The following VSTM5 variants were observed in gnomAD, a reference collection of about 807,000 sequenced individuals.
The protein encoded by VSTM5 is V-set and transmembrane domain containing 5.
A neutral mutation model predicts 20.3 loss-of-function variants in VSTM5; 21 were observed. That is an observed-to-expected ratio of 1.03 (90% CI 0.73 to 1.49). The LOEUF is 1.49. VSTM5 is among the 40% of genes most tolerant of loss of function. The pLI is 0.00. For missense variants in VSTM5, 219 were observed against 250.0 expected, an observed-to-expected ratio of 0.88 and a Z score of 0.84; for synonymous variants, 100 against 102.5, an observed-to-expected ratio of 0.98 and a Z score of 0.14.
At chr11:93,837,634 T>C (rs890876621) in intron 1 of VSTM5, among the ~76,000 whole-genome samples, 6 of 152,118 alleles carry the variant, frequency 3.9e-5, no homozygotes, top group Admixed American at 1.3e-4. Flanking sequence ...AGGATGTCCA[T>C]AGATACCTCA....
chr11:93,842,062 G>C (rs2135738740), intron 1 of VSTM5, among the ~76,000 whole-genome samples: 1 of 152,318 alleles, frequency 6.6e-6, no homozygotes, highest in South Asian at 2.1e-4. Flanking sequence ...GCCTCCTGCA[G>C]CAGAATAAAA....
chr11:93,824,083 T>C (rs1199630987), intron 1 of VSTM5, among the ~76,000 whole-genome samples: 2 of 152,082 alleles, frequency 1.3e-5, no homozygotes, highest in African/African-American at 4.8e-5. Context: ...AATTTTGGTC[T>C]TTTTAGTAGA....
intron 1 of VSTM5, among the ~76,000 whole-genome samples, chr11:93,847,202 A>G (rs1944421094): frequency 6.6e-6 from 1 of 152,154 alleles, no homozygotes; most frequent in Admixed American, 6.5e-5. Flanking sequence ...TCTCTGTTTG[A>G]TCAGGGATCA....
At position 93,850,157 on chromosome 11, in the gene VSTM5, G is replaced by A. The variant is rs57779484; in HGVS notation, c.91+255C>T. Among the ~76,000 whole-genome samples, 1,321 of 152,214 alleles carry A rather than the reference G, an allele frequency of 8.7e-3. 20 individuals carry two copies. Among genetic ancestry groups the A allele is most frequent in the African/African-American group, 0.03 (1,250 of 41,560 alleles). The stretch of plus-strand genomic sequence containing the variant: ...GCTCGCCGGGTGGGGCGGGCGCCCC[G>A]AAGTGGGCCGGGGCGCCGCGGCCGG... On this transcript the variant is annotated intron_variant, in intron 1 of 3. Coordinates refer to ENST00000409977, the MANE Select transcript of VSTM5 (RefSeq NM_001144871.2).
Position 93,850,538 on chromosome 11 carries a change from CTGGCCG to C in VSTM5, c.-42_-37del, listed in dbSNP as rs1256692221. ...GGGGCCTCGCGGGCCGGGGTGTGTG[CTGGCCG>C]CACCGCGCTGCAGCTCCTATGCAGC... On this transcript the variant is annotated 5_prime_UTR_variant, in exon 1 of 4. Coordinates refer to ENST00000409977, the MANE Select transcript of VSTM5 (RefSeq NM_001144871.2). 2.0e-6 allele frequency: 3 copies of C among 1,493,046 alleles called. No individual in the cohort carries two copies. The highest frequency in any genetic ancestry group is 2.7e-6 in the Non-Finnish European group (3 of 1,102,924). The allele number at this position is 1,493,046 out of a possible 1,614,324, so 92.5% of individuals were successfully genotyped here.
intron 1 of VSTM5, among the ~76,000 whole-genome samples, chr11:93,824,298 G>A (rs1161021293): frequency 1.3e-5 from 2 of 152,000 alleles, no homozygotes; most frequent in Non-Finnish European, 2.9e-5. Flanking sequence ...TTGTGCAAGG[G>A]TTCCCTTTCT....
chr11:93,826,172 C>A (rs568523029), intron 1 of VSTM5, among the ~76,000 whole-genome samples: 2 of 152,118 alleles, frequency 1.3e-5, no homozygotes, highest in African/African-American at 4.8e-5. Context: ...CCCAGGAGTT[C>A]CAGGCTGCAG....
Position 93,820,318 on chromosome 11 carries a change from C to T in VSTM5, c.*251G>A. 1 of 517,268 alleles carries T rather than the reference C, an allele frequency of 1.9e-6. No homozygotes were observed. The highest frequency in any genetic ancestry group is 2.1e-5 in the South Asian group (1 of 48,250). 32.0% of individuals were successfully genotyped at this position (517,268 alleles called of 1,614,324 possible). A position where few individuals can be genotyped will look rare whatever the true frequency, so the allele number is the denominator to read the frequency against. On this transcript the variant is annotated 3_prime_UTR_variant, in exon 4 of 4. Transcript: ENST00000409977. The stretch of plus-strand genomic sequence containing the variant: ...GTTATGTGTCAGCACGGCCCTGATG[C>T]TGCAGCCAAGCGAAGCTCCTGGTTC...
Position 93,818,447 on chromosome 11 carries a change from T to C in VSTM5, c.*2122A>G, listed in dbSNP as rs1487299158. On this transcript the variant is annotated 3_prime_UTR_variant, in exon 4 of 4. Coordinates refer to ENST00000409977, the MANE Select transcript of VSTM5 (RefSeq NM_001144871.2). ...AAAAGAAACCCTTTTTTCAAAGAAA[T>C]GGAAAGCCAAGGAAAGAAGCTTTTT... 3 of 146,690 alleles carry C rather than the reference T, an allele frequency of 2.0e-5. No individual in the cohort carries two copies. 9.1% of individuals were successfully genotyped at this position (146,690 alleles called of 1,614,324 possible). A position where few individuals can be genotyped will look rare whatever the true frequency, so the allele number is the denominator to read the frequency against.
At chr11:93,844,844 ACC>A (rs1555039169) in intron 1 of VSTM5, among the ~76,000 whole-genome samples, 8 of 132,514 alleles carry the variant, frequency 6.0e-5, no homozygotes, top group South Asian at 2.6e-4. Context: ...CCCCGCTGCT[ACC>A]CCAGCTCTTG....
At chr11:93,820,679 G>T in intron 3 of VSTM5, 64 bp downstream of exon 3, 1 of 1,551,586 alleles carries the variant, frequency 6.4e-7, no homozygotes. Context: ...GTGAGAACAA[G>T]ATAACACATG....
At chr11:93,848,332 G>A (rs1016755935) in intron 1 of VSTM5, among the ~76,000 whole-genome samples, 1 of 152,184 alleles carries the variant, frequency 6.6e-6, no homozygotes, top group Non-Finnish European at 1.5e-5. Flanking sequence ...TTCATTTAAC[G>A]TCTTTTAAGG....
intron 1 of VSTM5, among the ~76,000 whole-genome samples, chr11:93,826,196 T>G (rs1312176654): frequency 6.6e-6 from 1 of 152,034 alleles, no homozygotes; most frequent in Non-Finnish European, 1.5e-5. Flanking sequence ...GCTATGATCG[T>G]GCCATTGCAC....
intron 1 of VSTM5, among the ~76,000 whole-genome samples, chr11:93,834,699 C>A (rs1944309470): frequency 6.8e-6 from 1 of 146,192 alleles, no homozygotes; most frequent in South Asian, 2.1e-4. Flanking sequence ...AGGAGAATTG[C>A]TTGAAGCCAG....
At chr11:93,833,911 A>G (rs1477458125) in intron 1 of VSTM5, among the ~76,000 whole-genome samples, 1 of 151,562 alleles carries the variant, frequency 6.6e-6, no homozygotes, top group Admixed American at 6.6e-5. Context: ...TTTACTGTTC[A>G]ATTCCTCCCC....
At chr11:93,846,813 C>A (rs903421094) in intron 1 of VSTM5, among the ~76,000 whole-genome samples, 2 of 143,572 alleles carry the variant, frequency 1.4e-5, no homozygotes, top group African/African-American at 5.2e-5. Flanking sequence ...TGTCACCAGG[C>A]TGGAGGGCAG....
At chr11:93,844,292 T>A (rs1325707960) in intron 1 of VSTM5, among the ~76,000 whole-genome samples, 2 of 152,148 alleles carry the variant, frequency 1.3e-5, no homozygotes, top group Non-Finnish European at 2.9e-5. Flanking sequence ...TCAAAAAGAA[T>A]GTGATCCAGT....
In VSTM5 at chr11:93,820,346, A is replaced by T. The variant is rs2135728223; in HGVS notation, c.*223T>A. 1 of 557,272 alleles carries T rather than the reference A, an allele frequency of 1.8e-6. No homozygotes were observed. Among genetic ancestry groups the T allele is most frequent in the East Asian group, 3.1e-5 (1 of 31,938 alleles). The allele number at this position is 557,272 out of a possible 1,614,324, so 34.5% of individuals were successfully genotyped here. The stretch of plus-strand genomic sequence containing the variant: ...CAGCCAAGCGAAGCTCCTGGTTCAA[A>T]GCCTCAATCACTCTTCTCCTTGAAC... On this transcript the variant is annotated 3_prime_UTR_variant, in exon 4 of 4. Coordinates refer to ENST00000409977, the MANE Select transcript of VSTM5 (RefSeq NM_001144871.2).
intron 1 of VSTM5, among the ~76,000 whole-genome samples, chr11:93,846,215 T>C (rs1267429117): frequency 2.0e-5 from 3 of 149,226 alleles, no homozygotes; most frequent in Admixed American, 1.4e-4. Context: ...TTTTTTTTGT[T>C]TTTTCCCAAA....
Sources: gnomAD v4.1 joint callset for allele counts (sites outside exome capture counted in the v4.1 genomes callset) on GRCh38, gnomAD v4.1.1 for gene constraint, MANE v1.5 for transcripts, NCBI Gene and HGNC (gene_info 2026-07-23, HGNC 2026-07-21) for gene names.